GRIA3: variants seen among roughly 807,000 people sequenced by gnomAD.
GRIA3 encodes the protein glutamate receptor 3.
A neutral mutation model predicts 63.0 loss-of-function variants in GRIA3; 3 were observed. That is an observed-to-expected ratio of 0.05 (90% CI 0.02 to 0.12). The LOEUF is 0.12. Ranked by LOEUF, GRIA3 falls within the 10% of genes least tolerant of loss-of-function variation. GRIA3 has a pLI of 1.00. For missense variants in GRIA3, 347 were observed against 700.9 expected (o/e 0.50, Z 5.70); for synonymous variants, 274 against 257.9 (o/e 1.06, Z -0.60).
intron 14 of GRIA3, among the ~76,000 whole-genome samples, chrX:123,481,134 T>G (rs910755733): frequency 1.8e-5 from 2 of 111,798 alleles, no homozygotes; most frequent in Non-Finnish European, 3.8e-5. Flanking sequence ...ACAGCTTACA[T>G]GGGTTATGTC....
chrX:123,318,889 G>C (rs1275253353), intron 3 of GRIA3, among the ~76,000 whole-genome samples: 1 of 111,900 alleles, frequency 8.9e-6, no homozygotes, highest in African/African-American at 3.2e-5. Context: ...ATACCCGAAA[G>C]TGGGAACAAA....
intron 11 of GRIA3, among the ~76,000 whole-genome samples, chrX:123,423,663 T>C (rs776038697): frequency 6.3e-5 from 7 of 111,631 alleles, no homozygotes; most frequent in Non-Finnish European, 7.5e-5. Context: ...AAATGGAGTA[T>C]AGAAATGATG....
intron 2 of GRIA3, among the ~76,000 whole-genome samples, chrX:123,236,662 A>G (rs779661933): frequency 9.0e-6 from 1 of 110,778 alleles, no homozygotes; most frequent in Admixed American, 9.7e-5. Context: ...TCCACAAAAC[A>G]TCTCTTTAGG....
chrX:123,453,329 G>A (rs1348685278), intron 12 of GRIA3, among the ~76,000 whole-genome samples: 3 of 110,005 alleles, frequency 2.7e-5, no homozygotes, highest in Non-Finnish European at 5.7e-5. Context: ...CTCATAGATG[G>A]GAATTGAACA....
intron 3 of GRIA3, among the ~76,000 whole-genome samples, chrX:123,282,058 C>A (rs2044589227): frequency 8.9e-6 from 1 of 111,860 alleles, no homozygotes; most frequent in Admixed American, 9.4e-5. Context: ...GGGCCTCAGC[C>A]TCACAGTTTC....
At chrX:123,303,978 T>G (rs1267313999) in intron 3 of GRIA3, among the ~76,000 whole-genome samples, 1 of 111,166 alleles carries the variant, frequency 9.0e-6, no homozygotes, top group African/African-American at 3.3e-5. Context: ...AGGGATTTAG[T>G]AAAAGTGACA....
intron 3 of GRIA3, among the ~76,000 whole-genome samples, chrX:123,270,604 G>T (rs1164044317): frequency 8.9e-6 from 1 of 111,983 alleles, no homozygotes; most frequent in African/African-American, 3.2e-5. Context: ...TTTCTTTCTG[G>T]CTTTTCTAAG....
intron 3 of GRIA3, among the ~76,000 whole-genome samples, chrX:123,262,921 C>A (rs1023723909): frequency 2.7e-5 from 3 of 111,259 alleles, no homozygotes; most frequent in Non-Finnish European, 5.7e-5. Context: ...CCCATCAATG[C>A]TCCCAAACGT....
intron 12 of GRIA3, among the ~76,000 whole-genome samples, chrX:123,457,980 A>T (rs1343720610): frequency 9.0e-6 from 1 of 111,619 alleles, no homozygotes; most frequent in Non-Finnish European, 1.9e-5. Flanking sequence ...AGTTGAATGG[A>T]ATTTGTGTCA....
chrX:123,344,715 G>A (rs990840061), intron 4 of GRIA3, among the ~76,000 whole-genome samples: 3 of 111,218 alleles, frequency 2.7e-5, no homozygotes, highest in Non-Finnish European at 5.7e-5. Flanking sequence ...TTTCCCAGGA[G>A]TCTGGGTGAA....
chrX:123,286,745 C>T (rs1443864337), intron 3 of GRIA3, among the ~76,000 whole-genome samples: 1 of 111,660 alleles, frequency 9.0e-6, no homozygotes, highest in Admixed American at 9.5e-5. Context: ...ACACCAATAA[C>T]AAGTTCCGAA....
chrX:123,452,967 G>A (rs1248421207), intron 12 of GRIA3, among the ~76,000 whole-genome samples: 2 of 112,181 alleles, frequency 1.8e-5, no homozygotes, highest in African/African-American at 3.2e-5. Flanking sequence ...AACCATTGTG[G>A]AAGAAGTCAG....
chrX:123,446,157 T>C (rs2045701990), intron 12 of GRIA3, among the ~76,000 whole-genome samples: 1 of 112,258 alleles, frequency 8.9e-6, no homozygotes, highest in Non-Finnish European at 1.9e-5. Context: ...CTGGGCTAAA[T>C]ATTCAGCATG....
intron 3 of GRIA3, among the ~76,000 whole-genome samples, chrX:123,321,364 G>C (rs775323738): frequency 5.6e-4 from 63 of 111,582 alleles, no homozygotes; most frequent in Non-Finnish European, 9.8e-4. Flanking sequence ...CCATCATTTG[G>C]GGGACTGTTA....
chrX:123,205,585 A>C (rs1927863525), intron 2 of GRIA3, among the ~76,000 whole-genome samples: 1 of 112,120 alleles, frequency 8.9e-6, no homozygotes. Flanking sequence ...GCTGACAATA[A>C]GTGAACACCA....
At chrX:123,444,578 G>C (rs892640512) in intron 12 of GRIA3, among the ~76,000 whole-genome samples, 15 of 111,407 alleles carry the variant, frequency 1.3e-4, no homozygotes, top group African/African-American at 4.2e-4. Context: ...TGGGTGGACA[G>C]CCCCAAGTGA....
At chrX:123,476,257 G>A (rs1000753861) in intron 13 of GRIA3, among the ~76,000 whole-genome samples, 1 of 111,787 alleles carries the variant, frequency 8.9e-6, no homozygotes, top group African/African-American at 3.3e-5. Context: ...TCATGGAAGA[G>A]ACAGAAAACA....
chrX:123,479,920 G>A (rs898029080), intron 13 of GRIA3, 143 bp from the exon 14 acceptor site: 3 of 472,135 alleles, frequency 6.4e-6, no homozygotes, highest in Non-Finnish European at 7.6e-6. Context: ...ATAAGGTAAT[G>A]CTCAGGTTGC....
intron 14 of GRIA3, among the ~76,000 whole-genome samples, chrX:123,482,409 C>T (rs771035949): frequency 6.3e-5 from 7 of 111,548 alleles, no homozygotes; most frequent in Non-Finnish European, 9.4e-5. Flanking sequence ...AAGAGTGTTA[C>T]ATTTATAGAG....
Sources: allele counts gnomAD v4.1 joint callset (sites outside exome capture counted in the v4.1 genomes callset), GRCh38; gene constraint gnomAD v4.1.1; transcripts MANE v1.5; gene names NCBI Gene and HGNC (gene_info 2026-07-23, HGNC 2026-07-21).